AIG1: variants seen among roughly 807,000 people sequenced by gnomAD.
AIG1 encodes androgen induced 1.
Under a neutral mutation model 31.4 loss-of-function variants are expected in AIG1, and 23 were observed. The observed-to-expected ratio is 0.73, with a 90% CI of 0.53 to 1.04. The LOEUF (loss-of-function observed/expected upper bound fraction) is 1.04. AIG1 is among the 50% of genes least tolerant of loss of function. The pLI is 0.00. For missense variants in AIG1, 274 were observed against 295.0 expected (o/e 0.93, Z 0.52); for synonymous variants, 100 against 110.5 (o/e 0.90, Z 0.60).
chr6:143,150,420 A>G (rs1032192971), intron 2 of AIG1, among the ~76,000 whole-genome samples: 3 of 152,214 alleles, frequency 2.0e-5, no homozygotes, highest in African/African-American at 7.2e-5. Flanking sequence ...GCCAGTCACT[A>G]AGCTAACCAC....
intron 5 of AIG1, among the ~76,000 whole-genome samples, chr6:143,336,334 T>G (rs1450613267): frequency 6.6e-6 from 1 of 152,190 alleles, no homozygotes; most frequent in Non-Finnish European, 1.5e-5. Context: ...AAAGAGAGAT[T>G]GGAAATCATC....
At position 143,333,657 on chromosome 6, in the gene AIG1, A is replaced by T. The variant is rs1487583725; in HGVS notation, c.679+212A>T. On this transcript the variant is annotated intron_variant, in intron 5 of 5. Transcript: ENST00000357847. This position sits in a 1 kb window ranked among gnomAD's most constrained non-coding sequence, Gnocchi z 4.6. Reference sequence around the variant, plus strand: ...TAGTCACTTGGTCTTGTTAGCTAGTAAAACCTCCAAATCTAAAGAGGAAAG... The same window carrying T: ...TAGTCACTTGGTCTTGTTAGCTAGTTAAACCTCCAAATCTAAAGAGGAAAG... Among the ~76,000 whole-genome samples, 1 of 152,210 alleles carries T rather than the reference A, an allele frequency of 6.6e-6. No homozygotes were observed. The highest frequency in any genetic ancestry group is 1.5e-5 in the Non-Finnish European group (1 of 68,046).
At chr6:143,307,911 C>T (rs539346867) in intron 4 of AIG1, among the ~76,000 whole-genome samples, 238 of 152,336 alleles carry the variant, frequency 1.6e-3, no homozygotes, top group African/African-American at 4.8e-3. Context: ...TGGGCAATGG[C>T]GGGCGCCCCT....
rs182126711 is a variant in AIG1 at position 143,085,828 on chromosome 6, C to T, written c.141+24762C>T. ...CAATCACCCGGGAGGTGCCATCTGT[C>T]CTCCTGTCCTGAAGGGAGTTCCTCC... On this transcript the variant is annotated intron_variant, in intron 1 of 5. Transcript: ENST00000357847. Among the ~76,000 whole-genome samples the T allele has an allele frequency of 6.6e-5, 10 of 152,316 alleles. No homozygotes were observed. In the East Asian group the frequency reaches 1.9e-3, roughly 29 times the overall value.
At chr6:143,247,139 A>AC (rs1264167343) in intron 3 of AIG1, among the ~76,000 whole-genome samples, 5 of 150,230 alleles carry the variant, frequency 3.3e-5, no homozygotes, top group Admixed American at 6.6e-5. Context: ...GGTGTCCAAG[A>AC]TTTTTTTTTT....
At chr6:143,285,320 G>A (rs114417679) in intron 4 of AIG1, among the ~76,000 whole-genome samples, 3,164 of 150,918 alleles carry the variant, frequency 0.021, 51 homozygotes, top group African/African-American at 0.046. Flanking sequence ...ATGTGGACAA[G>A]CATGAGCCAC....
At chr6:143,319,233 C>T (rs1030292352) in intron 4 of AIG1, among the ~76,000 whole-genome samples, 1 of 152,148 alleles carries the variant, frequency 6.6e-6, no homozygotes, top group Admixed American at 6.5e-5. Flanking sequence ...CCCAAATGCC[C>T]ATCAATCAAC....
rs542701783 is a variant in AIG1 at position 143,213,714 on chromosome 6, A to C, written c.399+48531A>C. Among the ~76,000 whole-genome samples the C allele has an allele frequency of 1.7e-3, 254 of 148,114 alleles. 2 individuals are homozygous for C. The highest frequency in any genetic ancestry group is 2.8e-3 in the Non-Finnish European group (184 of 66,576). ...ACATTTTTAGTAGAGACAGGGTTTC[A>C]CCTTGTTGTCCAGGCTGGTCCCAAA... On this transcript the variant is annotated intron_variant, in intron 3 of 5. Transcript: ENST00000357847.
rs1476417731 is a variant in AIG1 at position 143,292,623 on chromosome 6, G to C, written c.515+8398G>C. Among the ~76,000 whole-genome samples the C allele has an allele frequency of 6.6e-6, 1 of 152,170 alleles. No individual in the cohort carries two copies. The highest frequency in any genetic ancestry group is 2.1e-4 in the South Asian group (1 of 4,826). On this transcript the variant is annotated intron_variant, in intron 4 of 5. Transcript: ENST00000357847. This position sits in a 1 kb window ranked among gnomAD's most constrained non-coding sequence, Gnocchi z 4.9. ...ATACTTCTAACCTGTAGAATTCTCCGATGAATATGTGTTGTTTTAAGCCAC... is the reference window on the plus strand; with the variant it reads ...ATACTTCTAACCTGTAGAATTCTCCCATGAATATGTGTTGTTTTAAGCCAC...
rs569646255 is a variant in AIG1, at chr6:143,171,136, AG to A, written c.399+5955del. Among the ~76,000 whole-genome samples the A allele has an allele frequency of 2.3e-3, 344 of 151,856 alleles. 1 individual carries two copies. The highest frequency in any genetic ancestry group is 3.9e-3 in the South Asian group (19 of 4,824). On this transcript the variant is annotated intron_variant, in intron 3 of 5. Coordinates refer to ENST00000357847, the MANE Select transcript of AIG1 (RefSeq NM_016108.4). ...AATCAACAAGTAGATAAACCAAAAA[AG>A]GTTCTCTCTGAAGCAAATTATAGTC...
At chr6:143,225,665 GA>G (rs528365441) in intron 3 of AIG1, among the ~76,000 whole-genome samples, 3 of 151,636 alleles carry the variant, frequency 2.0e-5, no homozygotes, top group South Asian at 4.2e-4. Context: ...TTAATAATTA[GA>G]AAAAAAACCC....
intron 3 of AIG1, among the ~76,000 whole-genome samples, chr6:143,225,638 T>C (rs1792888833): frequency 6.6e-6 from 1 of 152,150 alleles, no homozygotes; most frequent in African/African-American, 2.4e-5. Context: ...TTTATTTGCC[T>C]AAAAGAGGCA....
At chr6:143,147,069 G>C (rs1357030412) in intron 2 of AIG1, among the ~76,000 whole-genome samples, 1 of 152,146 alleles carries the variant, frequency 6.6e-6, no homozygotes, top group African/African-American at 2.4e-5. Flanking sequence ...TTTTCCAGAA[G>C]TTTCCCACCA....
chr6:143,061,110 G>A lies in AIG1; in HGVS notation c.141+44G>A, dbSNP rs749909923. 28 of 1,583,912 alleles carry A rather than the reference G, an allele frequency of 1.8e-5. No individual in the cohort carries two copies. The East Asian group carries it at 5.8e-4, about 33-fold the overall frequency. On this transcript the variant is annotated intron_variant, in intron 1 of 5. Coordinates refer to ENST00000357847, the MANE Select transcript of AIG1 (RefSeq NM_016108.4). ...CCTGCTCGCCCCGCACCCCGTGCCT[G>A]TGTGTGCGTGTGTGTGTGTGTGTGT...
In AIG1 at chr6:143,165,120, CAGAGAGATGAT is replaced by C; in HGVS notation, c.338_348del (p.Arg113IlefsTer7). The C allele has an allele frequency of 6.2e-7, 1 of 1,613,536 alleles. No homozygotes were observed. Among genetic ancestry groups the C allele is most frequent in the Non-Finnish European group, 8.5e-7 (1 of 1,179,552 alleles). The stretch of plus-strand genomic sequence containing the variant: ...TGTTCTGGATCATTTATGCCTATGA[CAGAGAGATGAT>C]ATACCCGAAGCTGCTGGATAATTTT... On this transcript the variant is annotated frameshift_variant, in exon 3 of 6. Coordinates refer to ENST00000357847, the MANE Select transcript of AIG1 (RefSeq NM_016108.4). LOFTEE classifies it high-confidence loss of function.
rs1798049564 is a variant in AIG1, at chr6:143,291,377, G to A, written c.515+7152G>A. On this transcript the variant is annotated intron_variant, in intron 4 of 5. Transcript: ENST00000357847. This position sits in a 1 kb window ranked among gnomAD's most constrained non-coding sequence, Gnocchi z 4.2. The stretch of plus-strand genomic sequence containing the variant: ...CTGCCCTGGACAGGAGCCAGGGGGT[G>A]TTAAAGAGGTCTAGCTGGAGCCAGC... Among the ~76,000 whole-genome samples, 1 of 152,134 alleles carries A rather than the reference G, an allele frequency of 6.6e-6. No homozygotes were observed. Among genetic ancestry groups the A allele is most frequent in the African/African-American group, 2.4e-5 (1 of 41,428 alleles).
chr6:143,164,511 C>G (rs1786729457), intron 2 of AIG1, among the ~76,000 whole-genome samples: 1 of 152,200 alleles, frequency 6.6e-6, no homozygotes, highest in South Asian at 2.1e-4. Flanking sequence ...GACCCAGCTT[C>G]TCAGTGCAGC....
intron 3 of AIG1, among the ~76,000 whole-genome samples, chr6:143,209,422 T>C (rs1291251081): frequency 6.6e-6 from 1 of 152,194 alleles, no homozygotes; most frequent in African/African-American, 2.4e-5. Context: ...AAGGAGATTA[T>C]CCTGGATTAT....
chr6:143,138,113 T>G (rs562488661), intron 2 of AIG1, among the ~76,000 whole-genome samples: 55 of 152,330 alleles, frequency 3.6e-4, no homozygotes, highest in African/African-American at 1.3e-3. Flanking sequence ...TAAATAGCCC[T>G]TAACCCTGAG....
Sources: gnomAD v4.1 joint callset for allele counts (sites outside exome capture counted in the v4.1 genomes callset) on GRCh38, gnomAD v4.1.1 for gene constraint, Gnocchi (gnomAD v3.1) non-coding constraint, MANE v1.5 for transcripts, NCBI Gene and HGNC (gene_info 2026-07-23, HGNC 2026-07-21) for gene names.